SMIM14: variants seen among roughly 807,000 people sequenced by gnomAD.
SMIM14 encodes chromosome 4 open reading frame 34.
A neutral mutation model predicts 12.6 loss-of-function variants in SMIM14; 5 were observed. The observed-to-expected ratio is 0.40, with a 90% CI of 0.21 to 0.83. The LOEUF is 0.83. Among genes scored for constraint, SMIM14 ranks in the 40% least tolerant of loss-of-function variants. SMIM14 has a pLI of 0.37. For synonymous variants in SMIM14, 30 were observed against 40.1 expected (o/e 0.75, Z 0.95); for missense variants, 86 against 119.1 (o/e 0.72, Z 1.29).
chr4:39,616,111 A>G (rs1715212943), intron 1 of SMIM14, among the ~76,000 whole-genome samples: 1 of 152,148 alleles, frequency 6.6e-6, no homozygotes, highest in South Asian at 2.1e-4. Context: ...ATCCCTGAAA[A>G]GGGTTAAATA....
rs556016846 is a variant in SMIM14, at chr4:39,595,296, T to C, written c.75+9775A>G. On this transcript the variant is annotated intron_variant, in intron 2 of 4. Coordinates refer to ENST00000295958, the MANE Select transcript of SMIM14 (RefSeq NM_174921.3). Reference sequence around the variant, plus strand: ...GGAAATCATCATTCTCAGTAAACTATTGCAAGAACAAAAAACCAAACACCG... The same window carrying C: ...GGAAATCATCATTCTCAGTAAACTACTGCAAGAACAAAAAACCAAACACCG... Among the ~76,000 whole-genome samples the C allele has an allele frequency of 2.1e-3, 305 of 148,666 alleles. 1 individual carries two copies. The highest frequency in any genetic ancestry group is 5.9e-3 in the Admixed American group (87 of 14,760).
intron 1 of SMIM14, among the ~76,000 whole-genome samples, chr4:39,606,069 G>A (rs1186687284): frequency 1.3e-5 from 2 of 152,134 alleles, no homozygotes; most frequent in African/African-American, 4.8e-5. Context: ...ATTAAGGCCA[G>A]GCGCACTGGC....
At chr4:39,560,242 TTTC>T (rs1183471748) in intron 3 of SMIM14, among the ~76,000 whole-genome samples, 4 of 148,102 alleles carry the variant, frequency 2.7e-5, no homozygotes, top group African/African-American at 1.0e-4. Flanking sequence ...CAACAGTTCT[TTTC>T]TTTTCTTTTT....
At chr4:39,596,678 AAC>A (rs1714378033) in intron 2 of SMIM14, among the ~76,000 whole-genome samples, 1 of 152,160 alleles carries the variant, frequency 6.6e-6, no homozygotes, top group Non-Finnish European at 1.5e-5. Context: ...TATTTGCAAA[AAC>A]ATTGTACTGA....
intron 2 of SMIM14, among the ~76,000 whole-genome samples, chr4:39,598,434 T>C (rs891400482): frequency 2.0e-5 from 3 of 152,196 alleles, no homozygotes; most frequent in Non-Finnish European, 2.9e-5. Context: ...TACCTCCATG[T>C]CTTTTATATA....
chr4:39,632,845 T>G (rs1200749398), intron 1 of SMIM14, among the ~76,000 whole-genome samples: 1 of 150,982 alleles, frequency 6.6e-6, no homozygotes, highest in African/African-American at 2.4e-5. Flanking sequence ...AAGAAAAACC[T>G]TTATGTCTCA....
intron 1 of SMIM14, among the ~76,000 whole-genome samples, chr4:39,612,854 C>T (rs1010836935): frequency 6.6e-6 from 1 of 152,200 alleles, no homozygotes; most frequent in African/African-American, 2.4e-5. Context: ...CCTGCCTTGG[C>T]CTCCCAAAGT....
intron 1 of SMIM14, among the ~76,000 whole-genome samples, chr4:39,636,848 G>C (rs892903336): frequency 1.3e-5 from 2 of 152,106 alleles, no homozygotes; most frequent in Non-Finnish European, 2.9e-5. Flanking sequence ...TAATAGAACA[G>C]TTATAACAAT....
intron 4 of SMIM14, 88 bp downstream of exon 4, chr4:39,556,340 A>G: frequency 8.4e-7 from 1 of 1,187,210 alleles, no homozygotes; most frequent in Non-Finnish European, 1.2e-6. Flanking sequence ...TAACTAATTT[A>G]GGTGTTTTAG....
chr4:39,561,667 C>T (rs1712314645), intron 3 of SMIM14, among the ~76,000 whole-genome samples: 1 of 152,096 alleles, frequency 6.6e-6, no homozygotes, highest in Admixed American at 6.6e-5. Context: ...CACCTGTAGT[C>T]CCAGCACTTT....
At chr4:39,615,939 AG>A (rs1408974149) in intron 1 of SMIM14, among the ~76,000 whole-genome samples, 6 of 152,244 alleles carry the variant, frequency 3.9e-5, no homozygotes, top group Non-Finnish European at 5.9e-5. Context: ...AAAACTATAA[AG>A]AACCCAAATG....
rs1014867619 is a variant in SMIM14 at position 39,558,095 on chromosome 4, G to A, written c.125-1525C>T. On this transcript the variant is annotated intron_variant, in intron 3 of 4. Transcript: ENST00000295958. The surrounding 1 kb of genome is among the most constrained non-coding windows in gnomAD (Gnocchi z 4.3). ...CGTCTTATTTAATTTGAAATAACAA[G>A]TGCCTAGCACAGTGCCTGACCCATG... is the stretch of plus-strand genomic sequence containing the variant. Among the ~76,000 whole-genome samples, 3 of 152,166 alleles carry A rather than the reference G, an allele frequency of 2.0e-5. No homozygotes were observed. Among genetic ancestry groups the A allele is most frequent in the Admixed American group, 2.0e-4 (3 of 15,270 alleles).
chr4:39,614,209 T>C (rs1222559698), intron 1 of SMIM14, among the ~76,000 whole-genome samples: 2 of 143,398 alleles, frequency 1.4e-5, no homozygotes, highest in Non-Finnish European at 3.1e-5. Flanking sequence ...AAAAAGAAAA[T>C]TCAAAATAAT....
chr4:39,553,804 G>C (rs1366974918), intron 4 of SMIM14, among the ~76,000 whole-genome samples: 1 of 150,912 alleles, frequency 6.6e-6, no homozygotes, highest in Non-Finnish European at 1.5e-5. Context: ...ATGTTGGCTA[G>C]GCTGGTCTTG....
intron 2 of SMIM14, among the ~76,000 whole-genome samples, chr4:39,586,752 T>G: frequency 6.6e-6 from 1 of 152,076 alleles, no homozygotes; most frequent in Non-Finnish European, 1.5e-5. Flanking sequence ...GCATCCCACT[T>G]TTTAGTAACA....
rs979676931 is a variant in SMIM14 at position 39,603,133 on chromosome 4, C to CA, written c.75+1937dup. On this transcript the variant is annotated intron_variant, in intron 2 of 4. Transcript: ENST00000295958. ...AGTATAATGCAAATATTCCAAAATG[C>CA]AAAAAAAATCCAAAACACCTCTGGT... Among the ~76,000 whole-genome samples, 19 of 151,516 alleles carry CA rather than the reference C, an allele frequency of 1.3e-4. No homozygotes were observed. The South Asian group carries it at 1.9e-3, about 15-fold the overall frequency.
intron 2 of SMIM14, among the ~76,000 whole-genome samples, chr4:39,598,829 G>A (rs999185133): frequency 6.6e-6 from 1 of 152,070 alleles, no homozygotes. Context: ...CTCTCCCAGA[G>A]CCATGTGACC....
intron 2 of SMIM14, among the ~76,000 whole-genome samples, chr4:39,578,818 T>G (rs144610669): frequency 6.6e-6 from 1 of 151,588 alleles, no homozygotes; most frequent in Non-Finnish European, 1.5e-5. Context: ...CAAAATGGTG[T>G]AACCCTGTCT....
At chr4:39,568,691 G>T (rs1712705209) in intron 3 of SMIM14, among the ~76,000 whole-genome samples, 1 of 152,014 alleles carries the variant, frequency 6.6e-6, no homozygotes, top group Non-Finnish European at 1.5e-5. Flanking sequence ...CTATCCAATT[G>T]AATAGTAGTA....
Sources: gnomAD v4.1 joint callset for allele counts (sites outside exome capture counted in the v4.1 genomes callset) on GRCh38, gnomAD v4.1.1 for gene constraint, Gnocchi (gnomAD v3.1) non-coding constraint, MANE v1.5 for transcripts, NCBI Gene and HGNC (gene_info 2026-07-23, HGNC 2026-07-21) for gene names.